Variants in HSPA12A observed in about 807,000 individuals in gnomAD.
HSPA12A encodes the protein heat shock 70 kDa protein 12A.
HSPA12A carries 28 observed loss-of-function variants against 69.2 expected under a neutral mutation model. That is an observed-to-expected ratio of 0.40 (90% confidence interval 0.30 to 0.55). The LOEUF (loss-of-function observed/expected upper bound fraction) is 0.55, where lower values mean the gene tolerates loss of function less well. Ranked by LOEUF, HSPA12A falls within the 20% of genes least tolerant of loss-of-function variation. HSPA12A has a pLI of 0.38. For missense variants in HSPA12A, 686 were observed against 900.7 expected (o/e 0.76, Z 3.05); for synonymous variants, 345 against 370.5 (o/e 0.93, Z 0.79).
At chr10:116,838,776 T>C (rs1410475267) in intron 1 of HSPA12A, among the ~76,000 whole-genome samples, 1 of 152,234 alleles carries the variant, frequency 6.6e-6, no homozygotes, top group Non-Finnish European at 1.5e-5. Flanking sequence ...TTTTTAAAAA[T>C]GTTGCCTTAT....
In HSPA12A at chr10:116,681,859, C is replaced by G. The variant is rs200867772; in HGVS notation, c.854G>C (p.Arg285Pro). ...CAAAAAGGTCCGACTCTGCCGATTA[C>G]GCCGTATGTGTTCCTTAGCTAGTGG... is the stretch of plus-strand genomic sequence containing the variant. ...GFTQAKEHIRRNRQSRTFLVE... is the reference protein window; with the variant it reads ...GFTQAKEHIRPNRQSRTFLVE... Residue 285 changes from arginine to proline, a missense_variant, in exon 8 of 12, where the codon CGT (arginine) becomes CCT (proline). Physicochemically the swap from Arg to Pro is moderately radical, Grantham distance 103. Transcript: ENST00000369209. The G allele has an allele frequency of 6.2e-7, 1 of 1,614,116 alleles. No individual in the cohort carries two copies. The highest frequency in any genetic ancestry group is 8.5e-7 in the Non-Finnish European group (1 of 1,179,982).
intron 6 of HSPA12A, among the ~76,000 whole-genome samples, chr10:116,687,532 T>C (rs1411397566): frequency 6.6e-6 from 1 of 152,162 alleles, no homozygotes; most frequent in African/African-American, 2.4e-5. Context: ...CCAGAACTGC[T>C]GTGGACTCCG....
intron 2 of HSPA12A, among the ~76,000 whole-genome samples, chr10:116,821,564 CACATACAT>C (rs1413538410): frequency 1.3e-5 from 2 of 152,254 alleles, no homozygotes; most frequent in African/African-American, 4.8e-5. Context: ...CACACATACA[CACATACAT>C]ACATTAGAAT....
chr10:116,694,403 CG>C (rs1179504745), intron 5 of HSPA12A, among the ~76,000 whole-genome samples: 2 of 152,186 alleles, frequency 1.3e-5, no homozygotes, highest in Non-Finnish European at 2.9e-5. Context: ...AATTTATTCA[CG>C]GCATATTCCC....
At chr10:116,802,283 C>T (rs994265818) in intron 2 of HSPA12A, among the ~76,000 whole-genome samples, 6 of 152,174 alleles carry the variant, frequency 3.9e-5, no homozygotes, top group Non-Finnish European at 7.3e-5. Flanking sequence ...GACTCCTGTG[C>T]ACTCACCATA....
chr10:116,717,485 G>C (rs539514632), intron 1 of HSPA12A, among the ~76,000 whole-genome samples: 2 of 152,224 alleles, frequency 1.3e-5, no homozygotes, highest in East Asian at 3.9e-4. Flanking sequence ...GAAGATCCAG[G>C]TAGGAGAGGC....
chr10:116,803,354 G>A (rs1204956269), intron 2 of HSPA12A, among the ~76,000 whole-genome samples: 2 of 152,222 alleles, frequency 1.3e-5, no homozygotes, highest in East Asian at 3.9e-4. Context: ...GGTGAGAAAA[G>A]CCAGACAGTG....
intron 7 of HSPA12A, among the ~76,000 whole-genome samples, chr10:116,682,454 C>CTGG (rs1849436321): frequency 7.1e-6 from 1 of 140,902 alleles, no homozygotes; most frequent in African/African-American, 3.0e-5. Context: ...GGTAAATAGA[C>CTGG]TGGGGGGGGG....
At chr10:116,713,012 T>TATATATATATATATA (rs1850488375) in intron 1 of HSPA12A, among the ~76,000 whole-genome samples, 1 of 51,114 alleles carries the variant, frequency 2.0e-5, no homozygotes, top group Non-Finnish European at 3.8e-5. Context: ...ATATATATAT[T>TATATATATATATATA]TGCATTTCTT....
Position 116,817,760 on chromosome 10 carries a change from G to A in HSPA12A, c.91+17175C>T, listed in dbSNP as rs549367350. The stretch of plus-strand genomic sequence containing the variant: ...TAATCTGCAAATATGAAGAATGTGG[G>A]TCAGTCAAGATAATCTGCAAACATG... On this transcript the variant is annotated intron_variant, in intron 2 of 12. Transcript: ENST00000635765. Among the ~76,000 whole-genome samples, 146 of 152,132 alleles carry A rather than the reference G, an allele frequency of 9.6e-4. 1 individual carries two copies. The highest frequency in any genetic ancestry group is 3.3e-3 in the African/African-American group (137 of 41,506).
At chr10:116,717,978 C>T (rs1554883975) in intron 1 of HSPA12A, among the ~76,000 whole-genome samples, 1 of 152,186 alleles carries the variant, frequency 6.6e-6, no homozygotes, top group African/African-American at 2.4e-5. Flanking sequence ...TTCAGAATAA[C>T]CTAGAAGAAC....
intron 2 of HSPA12A, among the ~76,000 whole-genome samples, chr10:116,825,754 G>A (rs537399490): frequency 6.1e-4 from 93 of 152,220 alleles, no homozygotes; most frequent in Non-Finnish European, 4.1e-4. Flanking sequence ...TCTTTTTGGG[G>A]TGATGAAAAT....
intron 1 of HSPA12A, among the ~76,000 whole-genome samples, chr10:116,836,195 TCCA>T (rs2133216026): frequency 1.3e-5 from 2 of 152,248 alleles, no homozygotes; most frequent in Admixed American, 1.3e-4. Context: ...GCCTCTCCTC[TCCA>T]GCTGCGGAGC....
intron 4 of HSPA12A, among the ~76,000 whole-genome samples, chr10:116,700,152 C>T (rs1313155149): frequency 5.9e-5 from 9 of 152,220 alleles, no homozygotes; most frequent in Admixed American, 4.6e-4. Context: ...ACTTGGATTA[C>T]ATTTCTCAAA....
chr10:116,734,962 A>G (rs570733445), intron 1 of HSPA12A, among the ~76,000 whole-genome samples: 63 of 152,348 alleles, frequency 4.1e-4, no homozygotes, highest in African/African-American at 1.4e-3. Context: ...GCTGCACTCC[A>G]GCCTGAGCGA....
chr10:116,744,129 C>T (rs1040911360), upstream of HSPA12A, among the ~76,000 whole-genome samples: 4 of 152,326 alleles, frequency 2.6e-5, no homozygotes, highest in Middle Eastern at 3.4e-3. Flanking sequence ...TCTGTCCCCA[C>T]CCTACTCCAG....
chr10:116,828,963 G>C (rs548680809), intron 2 of HSPA12A: 2 of 152,090 alleles, frequency 1.3e-5, no homozygotes, highest in Non-Finnish European at 2.9e-5. Context: ...AATTTTTACC[G>C]TGTTTCCATC....
intron 5 of HSPA12A, among the ~76,000 whole-genome samples, chr10:116,693,406 G>A (rs541385767): frequency 1.3e-3 from 192 of 152,212 alleles, no homozygotes; most frequent in Non-Finnish European, 2.1e-3. Context: ...TCCCATCTGC[G>A]CAATGGAGAT....
chr10:116,719,092 C>A (rs948372228), intron 1 of HSPA12A, among the ~76,000 whole-genome samples: 7 of 152,252 alleles, frequency 4.6e-5, no homozygotes, highest in Non-Finnish European at 8.8e-5. Flanking sequence ...ACTGCTGTGT[C>A]CACTCAAAAT....
Sources: gnomAD v4.1 joint callset for allele counts (sites outside exome capture counted in the v4.1 genomes callset) on GRCh38, gnomAD v4.1.1 for gene constraint, MANE v1.5 for transcripts, NCBI Gene and HGNC (gene_info 2026-07-23, HGNC 2026-07-21) for gene names.